The following TUBG2 variants were observed in gnomAD, a reference collection of about 807,000 sequenced individuals.
TUBG2 encodes tubulin gamma 2.
TUBG2 carries 39 observed loss-of-function variants against 55.1 expected under a neutral mutation model. That is an observed-to-expected ratio of 0.71 (90% CI 0.55 to 0.93). The LOEUF is 0.93. TUBG2 is among the 40% of genes least tolerant of loss of function. The pLI is 0.00. For synonymous variants in TUBG2, 223 were observed against 241.0 expected, an observed-to-expected ratio of 0.93 and a Z score of 0.69; for missense variants, 358 against 599.1, an observed-to-expected ratio of 0.60 and a Z score of 4.20.
rs571261336 is a variant in TUBG2, at chr17:42,665,721, C to G, written c.737C>G (p.Pro246Arg). ...GCCAGCACCACCACCCTGCGCTACC[C>G]CGGCTACATGAACAATGACCTCATC... The part of the protein sequence containing the change: ...MSASTTTLRY[P>R]GYMNNDLIGL... Residue 246 changes from proline to arginine, a missense_variant, in exon 8 of 11, where the codon CCC becomes CGC. By Grantham distance (103) the Pro-to-Arg change is moderately radical. Around this residue, in one of 8 missense-constraint regions of TUBG2, gnomAD observed 129 missense variants for 251.6 expected, o/e 0.51. Transcript: ENST00000251412. 6.2e-7 allele frequency: 1 copy of G among 1,614,216 alleles called. No homozygotes were observed. The highest frequency in any genetic ancestry group is 1.3e-5 in the African/African-American group (1 of 75,050).
At chr17:42,666,526 C>T (rs754049821) in intron 10 of TUBG2, 42 bp downstream of exon 10, 1 of 1,613,580 alleles carries the variant, frequency 6.2e-7, no homozygotes, top group Non-Finnish European at 8.5e-7. Context: ...GTCTGTTCCA[C>T]TGGCCACCTT....
At position 42,659,405 on chromosome 17, in the gene TUBG2, AGC is replaced by A; in HGVS notation, c.-92_-91del. On this transcript the variant is annotated 5_prime_UTR_variant, in exon 1 of 11. The change abolishes the stop of an existing upstream ORF in the 5' untranslated region. Coordinates refer to ENST00000251412, the MANE Select transcript of TUBG2 (RefSeq NM_016437.3). ...AGCATCCGCGTCAAGAGGCGAAGAG[AGC>A]GCGCGCTCCCCACGTCCTGCGCTCC... 7.7e-7 allele frequency: 1 copy of A among 1,291,042 alleles called. No individual in the cohort carries two copies. Among genetic ancestry groups the A allele is most frequent in the Non-Finnish European group, 1.1e-6 (1 of 950,062 alleles). The allele number at this position is 1,291,042 out of a possible 1,614,324, so 80.0% of individuals were successfully genotyped here. A position where few individuals can be genotyped will look rare whatever the true frequency, so the allele number is the denominator to read the frequency against.
chr17:42,663,550 G>A lies in TUBG2; in HGVS notation c.606+47G>A, dbSNP rs748225793. On this transcript the variant is annotated intron_variant, in intron 6 of 10. Transcript: ENST00000251412. The stretch of plus-strand genomic sequence containing the variant: ...GGGCTGGGTGTGGTGGCTCATGCCT[G>A]TAGTTCTAGCACTTTGGGAGGCCTA... The A allele has an allele frequency of 1.9e-6, 3 of 1,608,158 alleles. No individual in the cohort carries two copies. In the South Asian group the frequency reaches 3.3e-5, roughly 18 times the overall value.
At chr17:42,660,603 T>C in intron 3 of TUBG2, 36 bp from the exon 4 acceptor site, 1 of 1,593,176 alleles carries the variant, frequency 6.3e-7, no homozygotes, top group Non-Finnish European at 8.6e-7. Flanking sequence ...CTCTGGAACC[T>C]TTGGCCTGAC....
chr17:42,661,023 C>A (rs962091923), intron 4 of TUBG2: 37 of 313,408 alleles, frequency 1.2e-4, no homozygotes, highest in African/African-American at 6.9e-4. Flanking sequence ...GGAGAATGAA[C>A]CAAGCCGAAG....
intron 4 of TUBG2, chr17:42,661,446 G>A (rs1341713972): frequency 1.3e-5 from 2 of 152,254 alleles, no homozygotes; most frequent in Non-Finnish European, 2.9e-5. Flanking sequence ...GTGCTCTGAG[G>A]GTTGGAATTT....
In TUBG2 at chr17:42,666,149, C is replaced by T. The variant is rs768462587; in HGVS notation, c.906C>T (p.Asn302=). 5.0e-6 allele frequency: 8 copies of T among 1,613,864 alleles called. No homozygotes were observed. Among genetic ancestry groups the T allele is most frequent in the Middle Eastern group, 1.6e-4 (1 of 6,078 alleles). The part of the protein sequence containing the change: ...DVMRRLLQPK[N]VMVSTGRDRQ... Reference sequence around the variant, plus strand: ...TGAGGCGGCTGCTGCAGCCCAAGAACGTGATGGTGTCCACAGGCCGAGACC... The same window carrying T: ...TGAGGCGGCTGCTGCAGCCCAAGAATGTGATGGTGTCCACAGGCCGAGACC... The change falls in exon 9 of 11, where the codon AAC becomes AAT. Residue 302 remains asparagine (N), a synonymous_variant. Transcript: ENST00000251412.
At position 42,666,176 on chromosome 17, in the gene TUBG2, C is replaced by G; in HGVS notation, c.933C>G (p.Arg311=). ...KNVMVSTGRD[R]QTNHCYIAIL... ...TGATGGTGTCCACAGGCCGAGACCG[C>G]CAGACCAACCACTGCTACATCGCCA... is the stretch of plus-strand genomic sequence containing the variant. The change falls in exon 9 of 11, where the codon CGC becomes CGG. Residue 311 remains arginine, a synonymous_variant. Coordinates refer to ENST00000251412, the MANE Select transcript of TUBG2 (RefSeq NM_016437.3). The G allele has an allele frequency of 2.5e-6, 4 of 1,613,966 alleles. No homozygotes were observed. Among genetic ancestry groups the G allele is most frequent in the Non-Finnish European group, 2.5e-6 (3 of 1,179,852 alleles).
chr17:42,662,927 A>AGT (rs774856589), intron 4 of TUBG2, 46 bp from the exon 5 acceptor site: 18 of 1,583,358 alleles, frequency 1.1e-5, no homozygotes, highest in Admixed American at 6.8e-5. Context: ...GTGTTGTGAG[A>AGT]GTGTGGCAGG....
chr17:42,661,643 A>G (rs973866792), intron 4 of TUBG2, among the ~76,000 whole-genome samples: 10 of 152,396 alleles, frequency 6.6e-5, no homozygotes, highest in Admixed American at 3.3e-4. Context: ...TGCAAACCCA[A>G]CGCCACAGGG....
In TUBG2 at chr17:42,666,815, A is replaced by G; in HGVS notation, c.*15A>G. The G allele has an allele frequency of 6.2e-7, 1 of 1,612,000 alleles. No homozygotes were observed. The highest frequency in any genetic ancestry group is 8.5e-7 in the Non-Finnish European group (1 of 1,178,992). On this transcript the variant is annotated 3_prime_UTR_variant, in exon 11 of 11. Transcript: ENST00000251412. ...AGGAGCAGTGATTTCCCTCCCCACT[A>G]CTCCTTCTCCTTCTAGATGGTAACC...
rs201246039 is a variant in TUBG2 at position 42,665,579 on chromosome 17, G to A, written c.693+17G>A. 139 of 1,613,984 alleles carry A rather than the reference G, an allele frequency of 8.6e-5. No homozygotes were observed. The Middle Eastern group carries it at 4.0e-3, about 46-fold the overall frequency. On this transcript the variant is annotated intron_variant, in intron 7 of 10. Coordinates refer to ENST00000251412, the MANE Select transcript of TUBG2 (RefSeq NM_016437.3). ...AACCAGCTGGTGGGCCCCCACTCCC[G>A]GACTCCTTTGGACTGGAAGCCCTCC...
Position 42,662,953 on chromosome 17 carries a change from T to G in TUBG2, c.400-20T>G. On this transcript the variant is annotated intron_variant, in intron 4 of 10. Transcript: ENST00000251412. The stretch of plus-strand genomic sequence containing the variant: ...GTGTGGCAGGAGAAACTGAGTCTGT[T>G]TATTCCTGTATACACACAGGGCTTC... 1 of 1,611,934 alleles carries G rather than the reference T, an allele frequency of 6.2e-7. No homozygotes were observed. The highest frequency in any genetic ancestry group is 8.5e-7 in the Non-Finnish European group (1 of 1,178,974).
chr17:42,663,537 G>A (rs964877540), intron 6 of TUBG2, 34 bp downstream of exon 6: 3 of 1,611,902 alleles, frequency 1.9e-6, no homozygotes, highest in Non-Finnish European at 2.5e-6. Context: ...GCTGGGTGTG[G>A]TGGCTCATGC....
chr17:42,665,915 G>A, intron 8 of TUBG2, 88 bp downstream of exon 8: 3 of 1,596,432 alleles, frequency 1.9e-6, no homozygotes, highest in Non-Finnish European at 2.6e-6. Context: ...CACTGCCCCA[G>A]GAGCTGCCCT....
chr17:42,662,630 C>T (rs933238117), intron 4 of TUBG2, among the ~76,000 whole-genome samples: 35 of 151,682 alleles, frequency 2.3e-4, no homozygotes, highest in African/African-American at 7.8e-4. Context: ...TTGAAAATAC[C>T]GTAAGTAGAA....
intron 6 of TUBG2, among the ~76,000 whole-genome samples, chr17:42,664,698 G>A (rs549404342): frequency 2.6e-5 from 4 of 151,682 alleles, no homozygotes; most frequent in Admixed American, 2.6e-4. Flanking sequence ...AGGGAAAGAC[G>A]GTGCCTGTTC....
intron 6 of TUBG2, among the ~76,000 whole-genome samples, chr17:42,664,041 G>A (rs1007330408): frequency 1.3e-5 from 2 of 151,924 alleles, no homozygotes; most frequent in African/African-American, 4.8e-5. Flanking sequence ...GGGAGGCAAA[G>A]GTTGCGGTGA....
Position 42,660,237 on chromosome 17 carries a change from A to G in TUBG2, c.251A>G (p.Lys84Arg), listed in dbSNP as rs771828974. Reference sequence around the variant, plus strand: ...TCCATCCTCAACTCCCCCTATGCCAAGCTCTACAACCCAGAGAACATCTAC... The same window carrying G: ...TCCATCCTCAACTCCCCCTATGCCAGGCTCTACAACCCAGAGAACATCTAC... ...IHSILNSPYA[K>R]LYNPENIYLS... The change falls in exon 3 of 11, where the codon AAG becomes AGG. Residue 84 changes from lysine to arginine, a missense_variant. Physicochemically the swap from Lys to Arg is conservative, Grantham distance 26 (BLOSUM62 2). Around this residue, in one of 8 missense-constraint regions of TUBG2, gnomAD observed 32 missense variants for 115.1 expected, o/e 0.28. Coordinates refer to ENST00000251412, the MANE Select transcript of TUBG2 (RefSeq NM_016437.3). 7 of 1,613,728 alleles carry G rather than the reference A, an allele frequency of 4.3e-6. 1 individual carries two copies. In the South Asian group the frequency reaches 6.6e-5, roughly 15 times the overall value.
Sources: gnomAD v4.1 joint callset for allele counts (sites outside exome capture counted in the v4.1 genomes callset) on GRCh38, gnomAD v4.1.1 for gene constraint, gnomAD v4.1.1 regional missense constraint, MANE v1.5 for transcripts, NCBI Gene and HGNC (gene_info 2026-07-23, HGNC 2026-07-21) for gene names.